Variants in RADIL observed in about 807,000 individuals in gnomAD.
The protein encoded by RADIL is Rap associating with DIL domain, also known as ras-associating and dilute domain-containing protein.
Under a neutral mutation model 97.6 loss-of-function variants are expected in RADIL, and 99 were observed. That is an observed-to-expected ratio of 1.01 (90% CI 0.86 to 1.20). The LOEUF (loss-of-function observed/expected upper bound fraction) is 1.20, where lower values mean the gene tolerates loss of function less well. RADIL is among the 50% of genes most tolerant of loss of function. RADIL has a pLI of 0.00. For synonymous variants in RADIL, 803 were observed against 691.8 expected (o/e 1.16, Z -2.52); for missense variants, 1,765 against 1,498.9 (o/e 1.18, Z -2.93).
At chr7:4,864,123 C>T (rs555216928) in intron 2 of RADIL, among the ~76,000 whole-genome samples, 1 of 152,328 alleles carries the variant, frequency 6.6e-6, no homozygotes, top group African/African-American at 2.4e-5. Flanking sequence ...TCCATTTCAA[C>T]ATTGGCTTAC....
Position 4,799,450 on chromosome 7 carries a change from C to G in RADIL, c.3156G>C (p.Lys1052Asn). 6.2e-7 allele frequency: 1 copy of G among 1,613,832 alleles called. No homozygotes were observed. The highest frequency in any genetic ancestry group is 8.5e-7 in the Non-Finnish European group (1 of 1,179,992). ...AVDLIRHGGK[K>N]MRFLVAKSDV... ...CGGACTTCGCGACCAGGAACCGCAT[C>G]TTCTTCCCGCCATGACGGATCAGGT... The change falls in exon 15 of 15, where the codon AAG becomes AAC. Residue 1052 changes from lysine (K) to asparagine (N), a missense_variant. Transcript: ENST00000399583.
In RADIL at chr7:4,865,711, T is replaced by C. The variant is rs191478942; in HGVS notation, c.535+11894A>G. On this transcript the variant is annotated intron_variant, in intron 2 of 14. Transcript: ENST00000399583. Reference sequence around the variant, plus strand: ...CAAATTGGCAGCATCTGTGATTCCATCTTCTACGGGGTGGGTGCAATCAAG... The same window carrying C: ...CAAATTGGCAGCATCTGTGATTCCACCTTCTACGGGGTGGGTGCAATCAAG... 317 of 1,027,806 alleles carry C rather than the reference T, an allele frequency of 3.1e-4. 2 individuals are homozygous for C. In the African/African-American group the frequency reaches 4.4e-3, roughly 14 times the overall value. 63.7% of individuals were successfully genotyped at this position (1,027,806 alleles called of 1,614,324 possible). A position where few individuals can be genotyped will look rare whatever the true frequency, so the allele number is the denominator to read the frequency against.
intron 2 of RADIL, among the ~76,000 whole-genome samples, chr7:4,871,705 C>T (rs56059415): frequency 0.16 from 23,681 of 152,164 alleles, 4,251 homozygotes; most frequent in African/African-American, 0.44. Context: ...AAAACGGACC[C>T]CACTCGGGAG....
chr7:4,855,620 T>TA (rs760588803), intron 2 of RADIL, among the ~76,000 whole-genome samples: 1,972 of 88,108 alleles, frequency 0.022, 53 homozygotes, highest in Non-Finnish European at 0.033. Flanking sequence ...TTTATTTTTG[T>TA]AAAAAAAAAA....
chr7:4,856,893 C>T (rs796424719), intron 2 of RADIL, among the ~76,000 whole-genome samples: 4 of 152,346 alleles, frequency 2.6e-5, no homozygotes, highest in African/African-American at 9.6e-5. Flanking sequence ...TTGTCTATGA[C>T]TGATTGCCCT....
chr7:4,847,484 C>T (rs1441195222), intron 2 of RADIL, among the ~76,000 whole-genome samples: 1 of 152,176 alleles, frequency 6.6e-6, no homozygotes, highest in Admixed American at 6.5e-5. Flanking sequence ...ATAAGTTCAA[C>T]TCCTAGGTAT....
In RADIL at chr7:4,821,532, C is replaced by T. The variant is rs1782831429; in HGVS notation, c.1615+862G>A. On this transcript the variant is annotated intron_variant, in intron 6 of 14. Coordinates refer to ENST00000399583, the MANE Select transcript of RADIL (RefSeq NM_018059.5). This position sits in a 1 kb window ranked among gnomAD's most constrained non-coding sequence, Gnocchi z 5.2. ...GACTGCCCCGATGGAATCCCTCTCCCTTAGTATTTTCAGAACACTTCCTAC... is the reference window on the plus strand; with the variant it reads ...GACTGCCCCGATGGAATCCCTCTCCTTTAGTATTTTCAGAACACTTCCTAC... Among the ~76,000 whole-genome samples the T allele has an allele frequency of 6.6e-6, 1 of 152,218 alleles. No homozygotes were observed. The highest frequency in any genetic ancestry group is 2.4e-5 in the African/African-American group (1 of 41,444).
At chr7:4,836,708 TG>T in intron 2 of RADIL, 103 bp from the exon 3 acceptor site, 1 of 1,485,242 alleles carries the variant, frequency 6.7e-7, no homozygotes, top group African/African-American at 1.4e-5. Context: ...GAGGCCGAGG[TG>T]GGGGGATCGC....
intron 5 of RADIL, among the ~76,000 whole-genome samples, chr7:4,831,528 TTAAAA>T (rs1029562329): frequency 4.1e-5 from 6 of 144,764 alleles, no homozygotes; most frequent in South Asian, 2.2e-4. Context: ...ACCCCTGAAC[TTAAAA>T]TAAAAGTGGA....
At chr7:4,812,079 C>T (rs1215270752) in intron 9 of RADIL, among the ~76,000 whole-genome samples, 1 of 151,980 alleles carries the variant, frequency 6.6e-6, no homozygotes, top group African/African-American at 2.4e-5. Flanking sequence ...AGGGGTTCCA[C>T]CATGTTGCCC....
chr7:4,819,338 C>T lies in RADIL; in HGVS notation c.1616-1987G>A, dbSNP rs192655019. ...CTGCCTGCCTCGGCCTCCCAAAGTG[C>T]GGGGAGGACAGGTGTGAGCCCAGCC... On this transcript the variant is annotated intron_variant, in intron 6 of 14. Transcript: ENST00000399583. The surrounding 1 kb of genome is among the most constrained non-coding windows in gnomAD (Gnocchi z 5.8). Among the ~76,000 whole-genome samples the T allele has an allele frequency of 9.8e-3, 1,492 of 151,854 alleles. 26 individuals are homozygous for T. The highest frequency in any genetic ancestry group is 0.034 in the African/African-American group (1,427 of 41,420).
In RADIL at chr7:4,799,702, T is replaced by C; in HGVS notation, c.3050A>G (p.Asp1017Gly). 1 of 1,576,394 alleles carries C rather than the reference T, an allele frequency of 6.3e-7. No homozygotes were observed. Among genetic ancestry groups the C allele is most frequent in the Non-Finnish European group, 8.6e-7 (1 of 1,163,066 alleles). ...ACGGTCCCCCAGCGACAGGCGCCCG[T>C]CGGCCGCTGCGGGGCTGCCCGGGAG... is the stretch of plus-strand genomic sequence containing the variant. The part of the protein sequence containing the change: ...TLLPGSPAAA[D>G]GRLSLGDRIL... The change falls in exon 14 of 15, where the codon GAC (aspartate) becomes GGC (glycine). Residue 1017 changes from aspartate to glycine, a missense_variant. Transcript: ENST00000399583.
rs1366154662 is a variant in RADIL at position 4,824,081 on chromosome 7, G to T, written c.1455-1527C>A. Among the ~76,000 whole-genome samples, 1 of 152,256 alleles carries T rather than the reference G, an allele frequency of 6.6e-6. No individual in the cohort carries two copies. The highest frequency in any genetic ancestry group is 1.5e-5 in the Non-Finnish European group (1 of 68,044). On this transcript the variant is annotated intron_variant, in intron 5 of 14. Transcript: ENST00000399583. This position sits in a 1 kb window ranked among gnomAD's most constrained non-coding sequence, Gnocchi z 6.7. ...GTGCCCCTGAGCAGTGAGCAGAAGG[G>T]ATCCTTTTGCAAACAGATCAAATCA... is the stretch of plus-strand genomic sequence containing the variant.
chr7:4,870,938 A>T (rs940482551), intron 2 of RADIL, among the ~76,000 whole-genome samples: 1 of 152,176 alleles, frequency 6.6e-6, no homozygotes, highest in African/African-American at 2.4e-5. Flanking sequence ...TGCCTCTATG[A>T]TCAAACTGAA....
chr7:4,802,369 G>C (rs372497143), intron 11 of RADIL, among the ~76,000 whole-genome samples: 315 of 101,226 alleles, frequency 3.1e-3, no homozygotes, highest in Middle Eastern at 0.015. Flanking sequence ...GCTGGCTGGG[G>C]GGCCCCCTCC....
rs1344057341 is a variant in RADIL at position 4,854,668 on chromosome 7, TGGG to T, written c.536-18066_536-18064del. ...GAGATGGCGCCACCGCACTCCACCC[TGGG>T]CGACAGAGCGAGACTCCGTATCAAA... On this transcript the variant is annotated intron_variant, in intron 2 of 14. Transcript: ENST00000399583. The surrounding 1 kb of genome is among the most constrained non-coding windows in gnomAD (Gnocchi z 5.1). 6.6e-6 allele frequency among the ~76,000 whole-genome samples: 1 copy of T among 152,196 alleles called. No individual in the cohort carries two copies. The highest frequency in any genetic ancestry group is 2.4e-5 in the African/African-American group (1 of 41,448).
At chr7:4,875,083 T>G (rs1784340876) in intron 2 of RADIL, among the ~76,000 whole-genome samples, 6 of 142,184 alleles carry the variant, frequency 4.2e-5, no homozygotes, top group African/African-American at 1.5e-4. Context: ...TCCCAGCTAC[T>G]CGGGAGGCTG....
In RADIL at chr7:4,799,178, A is replaced by T. The variant is rs562590257; in HGVS notation, c.*200T>A. On this transcript the variant is annotated 3_prime_UTR_variant, in exon 15 of 15. Coordinates refer to ENST00000399583, the MANE Select transcript of RADIL (RefSeq NM_018059.5). The stretch of plus-strand genomic sequence containing the variant: ...TTTAAACATAAAAGCTCTGTAACAA[A>T]CATCACAATTTCACGTCATCTGCCA... 1.7e-5 allele frequency: 10 copies of T among 587,876 alleles called. No homozygotes were observed. In the South Asian group the frequency reaches 2.0e-4, roughly 12 times the overall value. 36.4% of individuals were successfully genotyped at this position (587,876 alleles called of 1,614,324 possible). A position where few individuals can be genotyped will look rare whatever the true frequency, so the allele number is the denominator to read the frequency against.
In RADIL at chr7:4,801,695, G is replaced by C. The variant is rs1176041969; in HGVS notation, c.2800C>G (p.Gln934Glu). Reference protein sequence around the residue: ...GPCGKALPERQRNGLSGLRGA... With the variant: ...GPCGKALPERERNGLSGLRGA... The stretch of plus-strand genomic sequence containing the variant: ...CGGAGGCCGCTGAGTCCGTTCCTCT[G>C]CCTCTCTGGGAGCGCTTTTCCACAG... The change falls in exon 12 of 15, where the codon CAG becomes GAG. Residue 934 changes from glutamine (Q) to glutamate (E), a missense_variant. Physicochemically the swap from Gln to Glu is conservative, Grantham distance 29. Transcript: ENST00000399583. The C allele has an allele frequency of 6.2e-7, 1 of 1,609,150 alleles. No homozygotes were observed. Among genetic ancestry groups the C allele is most frequent in the Non-Finnish European group, 8.5e-7 (1 of 1,178,548 alleles).
Sources: gnomAD v4.1 joint callset for allele counts (sites outside exome capture counted in the v4.1 genomes callset) on GRCh38, gnomAD v4.1.1 for gene constraint, Gnocchi (gnomAD v3.1) non-coding constraint, MANE v1.5 for transcripts, NCBI Gene and HGNC (gene_info 2026-07-23, HGNC 2026-07-21) for gene names.